TG: variants seen among roughly 807,000 people sequenced by gnomAD.
TG encodes the protein thyroid hormones.
Under a neutral mutation model 324.7 loss-of-function variants are expected in TG, and 270 were observed. That is an observed-to-expected ratio of 0.83 (90% CI 0.75 to 0.92). The LOEUF is 0.92. TG is among the 40% of genes least tolerant of loss of function. TG has a pLI of 0.00. For synonymous variants in TG, 1,401 were observed against 1,327.0 expected (o/e 1.06, Z -1.21); for missense variants, 3,591 against 3,456.4 (o/e 1.04, Z -0.98).
intron 41 of TG, among the ~76,000 whole-genome samples, chr8:133,035,070 AC>A (rs1391094795): frequency 6.6e-6 from 1 of 152,116 alleles, no homozygotes; most frequent in African/African-American, 2.4e-5. Context: ...GTTATCTTCT[AC>A]CTTCTTCCCG....
chr8:132,933,955 G>A (rs188721707), intron 24 of TG, among the ~76,000 whole-genome samples: 94 of 152,250 alleles, frequency 6.2e-4, no homozygotes, highest in African/African-American at 2.2e-3. Context: ...ATCAGGCAGT[G>A]TGGGCAAGAT....
chr8:133,069,995 C>A (rs1266566760), intron 41 of TG, among the ~76,000 whole-genome samples: 1 of 93,384 alleles, frequency 1.1e-5, no homozygotes. Flanking sequence ...AGCAAGGCTC[C>A]AGCTCCAAAA....
intron 41 of TG, among the ~76,000 whole-genome samples, chr8:133,090,449 C>T (rs1314681351): frequency 6.6e-6 from 1 of 152,168 alleles, no homozygotes; most frequent in African/African-American, 2.4e-5. Context: ...CACCTTGGCC[C>T]GTGTGTGGTA....
chr8:132,920,645 A>G (rs1563956766), intron 21 of TG, among the ~76,000 whole-genome samples: 2 of 152,236 alleles, frequency 1.3e-5, no homozygotes, highest in Admixed American at 6.5e-5. Flanking sequence ...TTCTTAAAAG[A>G]AGATTAATGT....
intron 41 of TG, chr8:133,089,959 C>A (rs1253537387): frequency 1.3e-5 from 2 of 152,150 alleles, no homozygotes. Context: ...CCTGAATTCC[C>A]AAAGTGCAAG....
intron 27 of TG, 47 bp from the exon 28 acceptor site, chr8:132,960,961 A>G: frequency 1.3e-6 from 2 of 1,582,098 alleles, no homozygotes. Context: ...GTGGGTACCC[A>G]GTGACAGCAC....
chr8:132,969,484 T>C lies in TG; in HGVS notation c.5890T>C (p.Phe1964Leu). ...TATACTGGAAGATAAAGTGAAGAAC[T>C]TTTACACTCGCCTGCCGTTCCAAAA... The part of the protein sequence containing the change: ...KVILEDKVKN[F>L]YTRLPFQKLM... Residue 1964 changes from phenylalanine (F) to leucine (L), a missense_variant, in exon 32 of 48, where the codon TTT becomes CTT. Physicochemically the swap from Phe to Leu is conservative, Grantham distance 22. Transcript: ENST00000220616. 1 of 1,613,840 alleles carries C rather than the reference T, an allele frequency of 6.2e-7. No individual in the cohort carries two copies. The highest frequency in any genetic ancestry group is 8.5e-7 in the Non-Finnish European group (1 of 1,179,752).
chr8:133,002,713 C>A, intron 35 of TG: 1 of 244,810 alleles, frequency 4.1e-6, no homozygotes, highest in Non-Finnish European at 8.0e-6. Flanking sequence ...CAGTTGAGCC[C>A]AGGTACCCTT....
intron 37 of TG, 117 bp downstream of exon 37, chr8:133,013,881 A>C: frequency 7.6e-7 from 1 of 1,315,280 alleles, no homozygotes; most frequent in East Asian, 2.5e-5. Flanking sequence ...GTTCTGGGCT[A>C]GGTGGCACTC....
At chr8:132,878,354 C>T (rs1382364634) in intron 5 of TG, among the ~76,000 whole-genome samples, 1 of 152,072 alleles carries the variant, frequency 6.6e-6, no homozygotes, top group Non-Finnish European at 1.5e-5. Flanking sequence ...CGCTGGCTCA[C>T]ACCTGTAATC....
chr8:133,017,202 T>C (rs1835111312), intron 37 of TG, among the ~76,000 whole-genome samples: 1 of 151,822 alleles, frequency 6.6e-6, no homozygotes, highest in Non-Finnish European at 1.5e-5. Flanking sequence ...TAATGAGATG[T>C]AAATGTGGGC....
intron 11 of TG, among the ~76,000 whole-genome samples, chr8:132,897,075 G>T (rs906845566): frequency 6.6e-6 from 1 of 152,128 alleles, no homozygotes; most frequent in African/African-American, 2.4e-5. Flanking sequence ...AGTTTCAAAG[G>T]GGTTAAAAAC....
chr8:133,133,561 T>C lies in TG; in HGVS notation c.8089T>C (p.Tyr2697His). The C allele has an allele frequency of 6.2e-7, 1 of 1,614,166 alleles. No homozygotes were observed. Among genetic ancestry groups the C allele is most frequent in the South Asian group, 1.1e-5 (1 of 91,086 alleles). Residue 2697 changes from tyrosine to histidine, a missense_variant, in exon 47 of 48, where the codon TAC (tyrosine) becomes CAC (histidine). Transcript: ENST00000220616. ...DFVPRAGGEN[Y>H]KEFSELLPNR... is the part of the protein sequence containing the mutation. ...TGTACCCCGTGCTGGTGGAGAGAAC[T>C]ACAAGGAGTTCAGTGAGCTGCTCCC...
chr8:132,900,243 G>A lies in TG; in HGVS notation c.3337G>A (p.Glu1113Lys), dbSNP rs372960438. 20 of 1,613,770 alleles carry A rather than the reference G, an allele frequency of 1.2e-5. No homozygotes were observed. The highest frequency in any genetic ancestry group is 2.5e-6 in the Non-Finnish European group (3 of 1,179,952). ...LFVPACLETG[E>K]YARLQASGAG... ...GACCCCGGCTTTGTCTCAGACAGGAGAGTATGCCAGGCTGCAGGCATCGGG... is the reference window on the plus strand; with the variant it reads ...GACCCCGGCTTTGTCTCAGACAGGAAAGTATGCCAGGCTGCAGGCATCGGG... The change falls in exon 15 of 48, where the codon GAG becomes AAG. Residue 1113 changes from glutamate (E) to lysine (K), a missense_variant. Physicochemically the swap from Glu to Lys is moderately conservative, Grantham distance 56. Transcript: ENST00000220616.
At chr8:132,975,407 C>G (rs554833858) in intron 34 of TG, among the ~76,000 whole-genome samples, 1 of 152,346 alleles carries the variant, frequency 6.6e-6, no homozygotes, top group Admixed American at 6.5e-5. Context: ...TCAAGGTACT[C>G]ATTGTCCCAA....
At position 132,898,204 on chromosome 8, in the gene TG, A is replaced by G; in HGVS notation, c.3175A>G (p.Ile1059Val). Reference protein sequence around the residue: ...CWCVDEKGGFIPGSLTARSLQ... With the variant: ...CWCVDEKGGFVPGSLTARSLQ... ...GTGTGTAGATGAGAAAGGAGGGTTC[A>G]TCCCTGGCTCACTGACTGCCCGCTC... The change falls in exon 13 of 48, where the codon ATC (isoleucine) becomes GTC (valine). Residue 1059 changes from isoleucine (I) to valine (V), a missense_variant. By Grantham distance (29) the Ile-to-Val change is conservative (BLOSUM62 3). Coordinates refer to ENST00000220616, the MANE Select transcript of TG (RefSeq NM_003235.5). 1 of 1,605,930 alleles carries G rather than the reference A, an allele frequency of 6.2e-7. No individual in the cohort carries two copies. The highest frequency in any genetic ancestry group is 1.1e-5 in the South Asian group (1 of 88,986).
intron 35 of TG, among the ~76,000 whole-genome samples, chr8:132,995,779 G>C (rs936310742): frequency 1.3e-5 from 2 of 152,180 alleles, no homozygotes; most frequent in African/African-American, 4.8e-5. Context: ...AATGAACTTA[G>C]TAATTTGTCA....
chr8:132,914,461 T>C (rs1405088741), intron 20 of TG, among the ~76,000 whole-genome samples: 2 of 152,246 alleles, frequency 1.3e-5, no homozygotes, highest in Non-Finnish European at 1.5e-5. Context: ...GGATTTAAGA[T>C]GCAGCTAAAT....
Position 132,971,625 on chromosome 8 carries a change from C to CA in TG, c.5976-166dup, listed in dbSNP as rs898167240. The stretch of plus-strand genomic sequence containing the variant: ...AGAATTTTGTTTTCAGAAAGAACCT[C>CA]AAAGCTAAGAATCCACTCATGCATA... On this transcript the variant is annotated intron_variant, in intron 32 of 47. Transcript: ENST00000220616. Among the ~76,000 whole-genome samples, 20 of 152,114 alleles carry CA rather than the reference C, an allele frequency of 1.3e-4. 1 individual carries two copies. Among genetic ancestry groups the CA allele is most frequent in the Non-Finnish European group, 2.8e-4 (19 of 68,016 alleles).
Sources: gnomAD v4.1 joint callset for allele counts (sites outside exome capture counted in the v4.1 genomes callset) on GRCh38, gnomAD v4.1.1 for gene constraint, MANE v1.5 for transcripts, NCBI Gene and HGNC (gene_info 2026-07-23, HGNC 2026-07-21) for gene names.